FAM171A1: variants seen among roughly 807,000 people sequenced by gnomAD.
FAM171A1 encodes family with sequence similarity 171 member A1, also known as protein FAM171A1.
In FAM171A1, 23 loss-of-function variants were observed where a neutral mutation model predicts 74.9. The ratio of observed to expected loss-of-function variants is 0.31; its 90% CI spans 0.22 to 0.44. The LOEUF is 0.44. FAM171A1 is among the 20% of genes least tolerant of loss of function. FAM171A1 has a pLI of 1.00. For synonymous variants in FAM171A1, 527 were observed against 505.7 expected (o/e 1.04, Z -0.57); for missense variants, 1,162 against 1,159.2 (o/e 1.00, Z -0.03).
At chr10:15,291,432 T>C (rs2176489) in intron 1 of FAM171A1, among the ~76,000 whole-genome samples, 47,477 of 152,168 alleles carry the variant, frequency 0.31, 9,270 homozygotes, top group East Asian at 0.69. Context: ...ACTAGGCTCA[T>C]TGTAAGCGCT....
intron 1 of FAM171A1, among the ~76,000 whole-genome samples, chr10:15,346,092 C>A (rs1835814665): frequency 1.3e-5 from 2 of 152,100 alleles, no homozygotes. Flanking sequence ...CAAAGCGGGG[C>A]TGCTTCACAG....
At chr10:15,296,194 G>A (rs893775257) in intron 1 of FAM171A1, among the ~76,000 whole-genome samples, 2 of 152,050 alleles carry the variant, frequency 1.3e-5, no homozygotes, top group African/African-American at 2.4e-5. Context: ...GAGTTTTCAT[G>A]TAATTTTTTC....
chr10:15,217,357 A>G lies in FAM171A1; in HGVS notation c.872-1247T>C, dbSNP rs115519438. Among the ~76,000 whole-genome samples, 509 of 152,356 alleles carry G rather than the reference A, an allele frequency of 3.3e-3. 6 individuals are homozygous for G. The highest frequency in any genetic ancestry group is 0.012 in the African/African-American group (494 of 41,584). On this transcript the variant is annotated intron_variant, in intron 6 of 7. Transcript: ENST00000378116. ...ATTTCAGGGTAGCATGGCTATGATTATTAAACACCACAGACACCCATTTGC... is the reference window on the plus strand; with the variant it reads ...ATTTCAGGGTAGCATGGCTATGATTGTTAAACACCACAGACACCCATTTGC...
At chr10:15,241,710 G>A (rs1174282085) in intron 5 of FAM171A1, 3 of 151,980 alleles carry the variant, frequency 2.0e-5, no homozygotes, top group African/African-American at 7.2e-5. Flanking sequence ...TCACTTTACA[G>A]TTACCATTGT....
Position 15,251,977 on chromosome 10 carries a change from G to A in FAM171A1, c.577+2744C>T, listed in dbSNP as rs143742363. Reference sequence around the variant, plus strand: ...CCTTGGGCCATCTACCTGGTCACTCGTCACGTGACAGGTTCTGCTCAGCTG... The same window carrying A: ...CCTTGGGCCATCTACCTGGTCACTCATCACGTGACAGGTTCTGCTCAGCTG... On this transcript the variant is annotated intron_variant, in intron 4 of 7. Transcript: ENST00000378116. 6.6e-5 allele frequency among the ~76,000 whole-genome samples: 10 copies of A among 152,278 alleles called. No individual in the cohort carries two copies. The East Asian group carries it at 1.7e-3, about 26-fold the overall frequency.
chr10:15,269,812 T>G (rs578162592), intron 3 of FAM171A1, among the ~76,000 whole-genome samples: 1 of 152,284 alleles, frequency 6.6e-6, no homozygotes, highest in African/African-American at 2.4e-5. Flanking sequence ...AGTGAACTGA[T>G]AGTTTAATCA....
chr10:15,258,438 C>G (rs1393954391), intron 3 of FAM171A1, among the ~76,000 whole-genome samples: 1 of 152,186 alleles, frequency 6.6e-6, no homozygotes, highest in Non-Finnish European at 1.5e-5. Context: ...TTGGCTCAAC[C>G]ACCTGTTTTT....
chr10:15,253,191 G>A (rs541860162), intron 4 of FAM171A1, among the ~76,000 whole-genome samples: 17 of 151,784 alleles, frequency 1.1e-4, no homozygotes, highest in African/African-American at 2.7e-4. Context: ...TTTAGTAGAC[G>A]CAGCATTTCA....
chr10:15,359,850 G>A (rs958574719), intron 1 of FAM171A1, among the ~76,000 whole-genome samples: 2 of 152,154 alleles, frequency 1.3e-5, no homozygotes, highest in Non-Finnish European at 2.9e-5. Context: ...AAAGGCTTCT[G>A]GCCAGGACAA....
At chr10:15,263,777 ATC>A (rs1834696852) in intron 3 of FAM171A1, among the ~76,000 whole-genome samples, 1 of 150,994 alleles carries the variant, frequency 6.6e-6, no homozygotes, top group South Asian at 2.1e-4. Context: ...CTATCTATCT[ATC>A]TATCTATCAT....
chr10:15,247,724 C>T (rs2131756340), intron 5 of FAM171A1, among the ~76,000 whole-genome samples: 1 of 152,320 alleles, frequency 6.6e-6, no homozygotes, highest in Middle Eastern at 3.4e-3. Flanking sequence ...CCACCCGCCT[C>T]AGCCTCCCAA....
At chr10:15,284,930 A>C (rs1311398628) in intron 1 of FAM171A1, among the ~76,000 whole-genome samples, 1 of 150,944 alleles carries the variant, frequency 6.6e-6, no homozygotes, top group Non-Finnish European at 1.5e-5. Context: ...TTAGAAAAAG[A>C]ATAAAAAAAA....
intron 1 of FAM171A1, among the ~76,000 whole-genome samples, 168 bp downstream of exon 1, chr10:15,370,788 C>A (rs1481485006): frequency 2.7e-5 from 4 of 148,030 alleles, no homozygotes; most frequent in African/African-American, 1.0e-4. Flanking sequence ...CCGCGCCGCC[C>A]CCTCGGGAGC....
At chr10:15,266,420 A>G (rs1588521480) in intron 3 of FAM171A1, among the ~76,000 whole-genome samples, 1 of 152,042 alleles carries the variant, frequency 6.6e-6, no homozygotes, top group South Asian at 2.1e-4. Flanking sequence ...TCTCCAGTGG[A>G]TGTTCAGGAA....
chr10:15,331,370 G>A (rs752668612), intron 1 of FAM171A1, among the ~76,000 whole-genome samples: 7 of 152,104 alleles, frequency 4.6e-5, no homozygotes, highest in East Asian at 3.9e-4. Flanking sequence ...GGAAGACCCC[G>A]GTCTTCTAAC....
chr10:15,325,661 G>A (rs1176380810), intron 1 of FAM171A1, among the ~76,000 whole-genome samples: 1 of 152,182 alleles, frequency 6.6e-6, no homozygotes, highest in Non-Finnish European at 1.5e-5. Flanking sequence ...CCACGGAGTA[G>A]AATCAAGCTT....
rs761181473 is a variant in FAM171A1, at chr10:15,254,825, T to C, written c.473A>G (p.Glu158Gly). 1 of 1,614,196 alleles carries C rather than the reference T, an allele frequency of 6.2e-7. No homozygotes were observed. The highest frequency in any genetic ancestry group is 1.1e-5 in the South Asian group (1 of 91,078). ...GGTCAGGTCACTGTAGCTGGTGTTC[T>C]CAGGCAACCTCAGAGCCCTTCTCTG... ...HFQRRALRLP[E>G]NTSYSDLTAF... Residue 158 changes from glutamate to glycine, a missense_variant, in exon 4 of 8, where the codon GAG (glutamate) becomes GGG (glycine). Coordinates refer to ENST00000378116, the MANE Select transcript of FAM171A1 (RefSeq NM_001010924.2).
At chr10:15,277,513 C>T (rs1274682259) in intron 2 of FAM171A1, among the ~76,000 whole-genome samples, 2 of 152,196 alleles carry the variant, frequency 1.3e-5, no homozygotes, top group Admixed American at 6.5e-5. Flanking sequence ...CATCAGCCAA[C>T]GTACCTGGCA....
chr10:15,339,619 G>C (rs1324011898), intron 1 of FAM171A1, among the ~76,000 whole-genome samples: 1 of 152,160 alleles, frequency 6.6e-6, no homozygotes, highest in Admixed American at 6.5e-5. Context: ...CACTGCTGCT[G>C]CTCTTGAGCT....
Sources: gnomAD v4.1 joint callset for allele counts (sites outside exome capture counted in the v4.1 genomes callset) on GRCh38, gnomAD v4.1.1 for gene constraint, MANE v1.5 for transcripts, NCBI Gene and HGNC (gene_info 2026-07-23, HGNC 2026-07-21) for gene names.